Variants in CSMD3 observed in about 807,000 individuals in gnomAD.
The protein encoded by CSMD3 is CUB and Sushi multiple domains 3.
CSMD3 carries 177 observed loss-of-function variants against 435.2 expected under a neutral mutation model. The observed-to-expected ratio is 0.41, with a 90% CI of 0.36 to 0.46. The LOEUF (loss-of-function observed/expected upper bound fraction) is 0.46, where lower values mean the gene tolerates loss of function less well. Ranked by LOEUF, CSMD3 falls within the 20% of genes least tolerant of loss-of-function variation. The probability of loss-of-function intolerance (pLI) is 0.34; values close to 1 mark genes in which losing one functional copy is unlikely to be tolerated. For synonymous variants in CSMD3, 1,656 were observed against 1,520.5 expected (o/e 1.09, Z -2.07); for missense variants, 4,265 against 4,504.6 (o/e 0.95, Z 1.52).
At chr8:112,755,135 T>C (rs1485523841) in intron 13 of CSMD3, among the ~76,000 whole-genome samples, 1 of 151,746 alleles carries the variant, frequency 6.6e-6, no homozygotes, top group East Asian at 2.0e-4. Flanking sequence ...ATCGAGACCA[T>C]CTTGGCTAAC....
intron 45 of CSMD3, among the ~76,000 whole-genome samples, chr8:112,327,076 T>C (rs1823587126): frequency 6.6e-6 from 1 of 152,106 alleles, no homozygotes; most frequent in Non-Finnish European, 1.5e-5. Flanking sequence ...TGTTTTACAT[T>C]GATGTACCTT....
intron 12 of CSMD3, among the ~76,000 whole-genome samples, chr8:112,801,309 C>T (rs1306968803): frequency 1.3e-5 from 2 of 151,926 alleles, no homozygotes; most frequent in Non-Finnish European, 2.9e-5. Flanking sequence ...TTGACCATAT[C>T]CTGGAAGTGA....
intron 22 of CSMD3, among the ~76,000 whole-genome samples, chr8:112,597,272 A>G (rs1307080470): frequency 6.6e-6 from 1 of 152,194 alleles, no homozygotes; most frequent in Non-Finnish European, 1.5e-5. Flanking sequence ...TCTAGAAGAA[A>G]TGGATAAATT....
chr8:112,516,851 C>T (rs1356702917), intron 28 of CSMD3, among the ~76,000 whole-genome samples, 183 bp downstream of exon 28: 1 of 152,060 alleles, frequency 6.6e-6, no homozygotes, highest in Non-Finnish European at 1.5e-5. Flanking sequence ...AATCATCAGC[C>T]TTTACCCCAT....
At chr8:112,898,243 A>G (rs960901842) in intron 10 of CSMD3, among the ~76,000 whole-genome samples, 1 of 151,166 alleles carries the variant, frequency 6.6e-6, no homozygotes, top group Non-Finnish European at 1.5e-5. Context: ...TGGTGGACTG[A>G]TTTCAAAGAA....
intron 32 of CSMD3, among the ~76,000 whole-genome samples, chr8:112,432,034 C>T (rs1250838080): frequency 6.6e-6 from 1 of 151,900 alleles, no homozygotes; most frequent in Admixed American, 6.6e-5. Flanking sequence ...CTCCCATTCT[C>T]TCATCTTTTG....
chr8:113,019,516 A>G (rs2086601722), intron 5 of CSMD3, among the ~76,000 whole-genome samples: 1 of 148,950 alleles, frequency 6.7e-6, no homozygotes. Context: ...TCATTTATTA[A>G]TATGTTATAT....
chr8:113,061,880 G>T (rs2088630131), intron 5 of CSMD3, among the ~76,000 whole-genome samples: 1 of 151,758 alleles, frequency 6.6e-6, no homozygotes, highest in African/African-American at 2.4e-5. Flanking sequence ...ATAGACTCAA[G>T]AACTTTTCTT....
chr8:113,206,353 T>C (rs934324433), intron 3 of CSMD3, among the ~76,000 whole-genome samples: 3 of 152,202 alleles, frequency 2.0e-5, no homozygotes, highest in East Asian at 1.9e-4. Flanking sequence ...TAATTTTCAA[T>C]GTTTCATTAT....
chr8:112,530,619 C>T lies in CSMD3; in HGVS notation c.4565-13394G>A, dbSNP rs143888590. Reference sequence around the variant, plus strand: ...GCTGAAGGAGCTCATCACCATTAGACATGCCTTAGGAGAAATGCCAAGAAA... The same window carrying T: ...GCTGAAGGAGCTCATCACCATTAGATATGCCTTAGGAGAAATGCCAAGAAA... On this transcript the variant is annotated intron_variant, in intron 27 of 70. Coordinates refer to ENST00000297405, the MANE Select transcript of CSMD3 (RefSeq NM_198123.2). 3.2e-3 allele frequency among the ~76,000 whole-genome samples: 482 copies of T among 152,308 alleles called. 4 individuals carry two copies. Among genetic ancestry groups the T allele is most frequent in the African/African-American group, 0.011 (454 of 41,560 alleles).
intron 47 of CSMD3, among the ~76,000 whole-genome samples, chr8:112,317,640 A>C (rs966810458): frequency 5.3e-5 from 8 of 152,052 alleles, no homozygotes; most frequent in Non-Finnish European, 1.0e-4. Flanking sequence ...CAGAATTCTC[A>C]ACCAACTTCA....
chr8:112,449,371 C>T (rs532749296), intron 32 of CSMD3, among the ~76,000 whole-genome samples: 72 of 152,252 alleles, frequency 4.7e-4, no homozygotes, highest in African/African-American at 1.7e-3. Flanking sequence ...AGCATCAACA[C>T]CATTTTACCG....
intron 1 of CSMD3, among the ~76,000 whole-genome samples, chr8:113,411,682 CTA>C (rs1286483382): frequency 2.0e-5 from 3 of 152,040 alleles, no homozygotes; most frequent in Non-Finnish European, 4.4e-5. Context: ...TTATAGCACT[CTA>C]AAACAAAAGA....
At chr8:113,164,911 A>G (rs896028761) in intron 4 of CSMD3, among the ~76,000 whole-genome samples, 2 of 152,170 alleles carry the variant, frequency 1.3e-5, no homozygotes, top group Non-Finnish European at 2.9e-5. Context: ...TATGTGTCAC[A>G]TAGCATTAAA....
At chr8:112,559,800 T>G (rs982642012) in intron 24 of CSMD3, among the ~76,000 whole-genome samples, 2 of 151,800 alleles carry the variant, frequency 1.3e-5, no homozygotes, top group Admixed American at 6.6e-5. Flanking sequence ...AATATAAAAA[T>G]GTAGGGTAAA....
At chr8:113,252,863 T>G (rs2132308450) in intron 3 of CSMD3, among the ~76,000 whole-genome samples, 1 of 152,160 alleles carries the variant, frequency 6.6e-6, no homozygotes, top group East Asian at 1.9e-4. Context: ...CACATCAAGA[T>G]ATTATGGAAG....
intron 31 of CSMD3, among the ~76,000 whole-genome samples, chr8:112,475,032 C>G (rs1818904115): frequency 6.6e-6 from 1 of 152,110 alleles, no homozygotes; most frequent in African/African-American, 2.4e-5. Flanking sequence ...GATAATGCTA[C>G]TGATGAGAGA....
intron 13 of CSMD3, among the ~76,000 whole-genome samples, chr8:112,782,863 AG>A (rs2078427580): frequency 6.6e-6 from 1 of 152,134 alleles, no homozygotes; most frequent in Admixed American, 6.6e-5. Flanking sequence ...TCAAACATGA[AG>A]GAGAAACAAA....
intron 38 of CSMD3, among the ~76,000 whole-genome samples, chr8:112,372,797 C>T (rs919663764): frequency 6.6e-6 from 1 of 150,612 alleles, no homozygotes; most frequent in Non-Finnish European, 1.5e-5. Flanking sequence ...TGCAGTGAGC[C>T]GAGATAGTGC....
Sources: allele counts gnomAD v4.1 joint callset (sites outside exome capture counted in the v4.1 genomes callset), GRCh38; gene constraint gnomAD v4.1.1; transcripts MANE v1.5; gene names NCBI Gene and HGNC (gene_info 2026-07-23, HGNC 2026-07-21).